The following TMEM200A variants were observed in gnomAD, a reference collection of about 807,000 sequenced individuals.
TMEM200A encodes transmembrane protein 200A.
TMEM200A carries 12 observed loss-of-function variants against 24.3 expected under a neutral mutation model. That is an observed-to-expected ratio of 0.49 (90% CI 0.32 to 0.80). The LOEUF (loss-of-function observed/expected upper bound fraction) is 0.80. Among genes scored for constraint, TMEM200A ranks in the 30% least tolerant of loss-of-function variants. TMEM200A has a pLI of 0.04. For missense variants in TMEM200A, 545 were observed against 614.4 expected (o/e 0.89, Z 1.19); for synonymous variants, 224 against 224.4 (o/e 1.00, Z 0.02).
At chr6:130,407,330 A>G (rs934425701) in intron 2 of TMEM200A, among the ~76,000 whole-genome samples, 2 of 152,228 alleles carry the variant, frequency 1.3e-5, no homozygotes. Context: ...TTGGGCATCA[A>G]GATTGTGAAA....
At chr6:130,395,961 C>G (rs997779702) in intron 2 of TMEM200A, among the ~76,000 whole-genome samples, 1 of 152,112 alleles carries the variant, frequency 6.6e-6, no homozygotes, top group Admixed American at 6.6e-5. Flanking sequence ...ACAGCTCCAT[C>G]TTTCTCTCTG....
At chr6:130,408,029 GC>G (rs1443421402) in intron 2 of TMEM200A, among the ~76,000 whole-genome samples, 1 of 152,184 alleles carries the variant, frequency 6.6e-6, no homozygotes, top group African/African-American at 2.4e-5. Context: ...AAAATGTGGG[GC>G]ATGCAAAGGT....
Position 130,440,920 on chromosome 6 carries a change from A to G in TMEM200A, c.498A>G (p.Thr166=). The G allele has an allele frequency of 6.2e-7, 1 of 1,614,128 alleles. No homozygotes were observed. Among genetic ancestry groups the G allele is most frequent in the Non-Finnish European group, 8.5e-7 (1 of 1,180,002 alleles). The part of the protein sequence containing the change: ...KIIHMRDIYS[T]VIDIHTLRIK... ...TACACATGAGGGATATCTATTCCAC[A>G]GTCATTGACATTCACACGCTAAGAA... The change falls in exon 3 of 3, where the codon ACA becomes ACG. Residue 166 remains threonine (T), a synonymous_variant. Transcript: ENST00000296978.
intron 2 of TMEM200A, among the ~76,000 whole-genome samples, chr6:130,397,143 C>T (rs1778971240): frequency 6.6e-6 from 1 of 151,604 alleles, no homozygotes; most frequent in African/African-American, 2.4e-5. Context: ...TATCATCCAT[C>T]CCTTATTGAT....
chr6:130,428,230 T>A (rs555060534), intron 2 of TMEM200A, among the ~76,000 whole-genome samples: 3 of 152,152 alleles, frequency 2.0e-5, no homozygotes, highest in Non-Finnish European at 4.4e-5. Flanking sequence ...AAAATTTCTG[T>A]CCTTAGATAC....
chr6:130,376,363 T>G (rs935507326), intron 1 of TMEM200A, among the ~76,000 whole-genome samples: 1 of 152,180 alleles, frequency 6.6e-6, no homozygotes, highest in Admixed American at 6.5e-5. Flanking sequence ...CTCTGCCTCC[T>G]GGGTTCAAGC....
At chr6:130,368,185 G>C (rs1355327822) in intron 1 of TMEM200A, among the ~76,000 whole-genome samples, 1 of 152,164 alleles carries the variant, frequency 6.6e-6, no homozygotes, top group Admixed American at 6.6e-5. Context: ...TGTAGCTTCA[G>C]AATTTTGACA....
chr6:130,415,725 A>T, intron 2 of TMEM200A, among the ~76,000 whole-genome samples: 1 of 152,170 alleles, frequency 6.6e-6, no homozygotes, highest in East Asian at 1.9e-4. Context: ...AGGGTGTCTG[A>T]GGTTGCGCCC....
At chr6:130,427,279 A>G (rs1335798774) in intron 2 of TMEM200A, among the ~76,000 whole-genome samples, 1 of 152,228 alleles carries the variant, frequency 6.6e-6, no homozygotes, top group Admixed American at 6.5e-5. Context: ...GTCACCAACA[A>G]CATTCTGTAT....
At chr6:130,417,074 ACATAT>A (rs950081860) in intron 2 of TMEM200A, among the ~76,000 whole-genome samples, 9 of 152,158 alleles carry the variant, frequency 5.9e-5, no homozygotes, top group African/African-American at 7.2e-5. Context: ...TCTTTTTAAT[ACATAT>A]CATATGTATA....
Position 130,441,964 on chromosome 6 carries a change from C to G in TMEM200A, c.*66C>G. On this transcript the variant is annotated 3_prime_UTR_variant, in exon 3 of 3. Transcript: ENST00000296978. The stretch of plus-strand genomic sequence containing the variant: ...AAACGATTTTCACTGGTGTTTCCTT[C>G]TTAAAGTATTGGCTGTAAGCCTTTT... 1 of 1,434,824 alleles carries G rather than the reference C, an allele frequency of 7.0e-7. No individual in the cohort carries two copies. Among genetic ancestry groups the G allele is most frequent in the Non-Finnish European group, 9.4e-7 (1 of 1,066,054 alleles). 88.9% of individuals were successfully genotyped at this position (1,434,824 alleles called of 1,614,324 possible).
intron 2 of TMEM200A, among the ~76,000 whole-genome samples, chr6:130,440,178 TAATAG>T (rs1272106806): frequency 6.6e-6 from 1 of 151,996 alleles, no homozygotes; most frequent in African/African-American, 2.4e-5. Flanking sequence ...ACTGAAAAAA[TAATAG>T]AAATGTTTAC....
chr6:130,433,602 A>G (rs1374379826), intron 2 of TMEM200A, among the ~76,000 whole-genome samples: 1 of 152,214 alleles, frequency 6.6e-6, no homozygotes, highest in African/African-American at 2.4e-5. Flanking sequence ...AAATTGTTCT[A>G]GCTTGAACAG....
At chr6:130,440,312 C>T (rs1780124426) in intron 2 of TMEM200A, 95 bp from the exon 3 acceptor site, 6 of 1,304,088 alleles carry the variant, frequency 4.6e-6, no homozygotes, top group Non-Finnish European at 6.0e-6. Flanking sequence ...GCAACAGCAA[C>T]AAAAATTCTG....
chr6:130,431,518 C>T lies in TMEM200A; in HGVS notation c.-16-8889C>T, dbSNP rs1233391303. On this transcript the variant is annotated intron_variant, in intron 2 of 2. Transcript: ENST00000296978. ...GAGTGTGACAGTGATTGTGTAAGAG[C>T]TTGTCCAGATTTGAGGAGTTGGGAT... Among the ~76,000 whole-genome samples, 3 of 152,150 alleles carry T rather than the reference C, an allele frequency of 2.0e-5. 1 individual carries two copies. The highest frequency in any genetic ancestry group is 7.2e-5 in the African/African-American group (3 of 41,448).
At position 130,366,289 on chromosome 6, in the gene TMEM200A, C is replaced by G; in HGVS notation, c.-316C>G. 1.0e-6 allele frequency: 1 copy of G among 985,370 alleles called. No individual in the cohort carries two copies. The highest frequency in any genetic ancestry group is 1.2e-6 in the Non-Finnish European group (1 of 829,920). 61.0% of individuals were successfully genotyped at this position (985,370 alleles called of 1,614,324 possible). A position where few individuals can be genotyped will look rare whatever the true frequency, so the allele number is the denominator to read the frequency against. On this transcript the variant is annotated 5_prime_UTR_variant, in exon 1 of 3. Transcript: ENST00000296978. The surrounding 1 kb of genome is among the most constrained non-coding windows in gnomAD (Gnocchi z 4.4). ...CCCCCACCCTCCGTCCGCTTGCACCCCTTGCCACCCGCCCCCTCGCCTGAC... is the reference window on the plus strand; with the variant it reads ...CCCCCACCCTCCGTCCGCTTGCACCGCTTGCCACCCGCCCCCTCGCCTGAC...
chr6:130,441,101 G>C lies in TMEM200A; in HGVS notation c.679G>C (p.Glu227Gln). Reference protein sequence around the residue: ...RSSFRMDSSVEEDELMLNEGK... With the variant: ...RSSFRMDSSVQEDELMLNEGK... ...CAGTTTTCGAATGGACAGCTCCGTG[G>C]AGGAGGATGAACTTATGTTAAATGA... The change falls in exon 3 of 3, where the codon GAG (glutamate) becomes CAG (glutamine). Residue 227 changes from glutamate (E) to glutamine (Q), a missense_variant. Coordinates refer to ENST00000296978, the MANE Select transcript of TMEM200A (RefSeq NM_001258277.2). 1 of 1,614,034 alleles carries C rather than the reference G, an allele frequency of 6.2e-7. No individual in the cohort carries two copies. The highest frequency in any genetic ancestry group is 8.5e-7 in the Non-Finnish European group (1 of 1,180,002).
rs148447758 is a variant in TMEM200A at position 130,390,885 on chromosome 6, A to C, written c.-17+5649A>C. Among the ~76,000 whole-genome samples, 3 of 152,288 alleles carry C rather than the reference A, an allele frequency of 2.0e-5. No homozygotes were observed. The South Asian group carries it at 6.2e-4, about 32-fold the overall frequency. ...CACAATAGGGTTTCTCAACCTCTAC[A>C]CTATTGACAGTTTGGACTGAATAAC... On this transcript the variant is annotated intron_variant, in intron 2 of 2. Transcript: ENST00000296978.
chr6:130,391,196 T>C (rs1778823846), intron 2 of TMEM200A, among the ~76,000 whole-genome samples: 1 of 152,170 alleles, frequency 6.6e-6, no homozygotes, highest in African/African-American at 2.4e-5. Flanking sequence ...AGAAGTGCAA[T>C]AAATGTGGAA....
Sources: allele counts gnomAD v4.1 joint callset (sites outside exome capture counted in the v4.1 genomes callset), GRCh38; gene constraint gnomAD v4.1.1; non-coding constraint Gnocchi (gnomAD v3.1); transcripts MANE v1.5; gene names NCBI Gene and HGNC (gene_info 2026-07-23, HGNC 2026-07-21).